The following MALT1 variants were observed in gnomAD, a reference collection of about 807,000 sequenced individuals.
MALT1 encodes the protein MALT1 paracaspase, also known as mucosa-associated lymphoid tissue lymphoma translocation protein 1.
A neutral mutation model predicts 85.5 loss-of-function variants in MALT1; 36 were observed. The ratio of observed to expected loss-of-function variants is 0.42; its 90% CI spans 0.32 to 0.56. The LOEUF (loss-of-function observed/expected upper bound fraction) is 0.56, where lower values mean the gene tolerates loss of function less well. MALT1 is among the 20% of genes least tolerant of loss of function. The probability of loss-of-function intolerance (pLI) is 0.10; values close to 1 mark genes in which losing one functional copy is unlikely to be tolerated. For missense variants in MALT1, 716 were observed against 981.6 expected (o/e 0.73, Z 3.62); for synonymous variants, 359 against 361.3 (o/e 0.99, Z 0.07).
At chr18:58,676,248 G>A (rs1336858579) in intron 1 of MALT1, among the ~76,000 whole-genome samples, 2 of 152,078 alleles carry the variant, frequency 1.3e-5, no homozygotes, top group Non-Finnish European at 1.5e-5. Context: ...CTCCTATTGT[G>A]GCCAGGCGTG....
At chr18:58,684,863 G>C (rs977556892) in intron 2 of MALT1, among the ~76,000 whole-genome samples, 6 of 152,268 alleles carry the variant, frequency 3.9e-5, no homozygotes, top group Non-Finnish European at 7.4e-5. Flanking sequence ...AAGAAGATAA[G>C]CTCTGATAGA....
chr18:58,710,930 A>C lies in MALT1; in HGVS notation c.935A>C (p.Asp312Ala), dbSNP rs2054822959. ...KKVEIIIGRT[D>A]EAVECTEDEL... ...TTTTTTCTGAAACAAGGAAGAACAG[A>C]TGAGGCAGTGGAGTGCACTGAAGGT... The change falls in exon 7 of 17, where the codon GAT (aspartate) becomes GCT (alanine). Residue 312 changes from aspartate to alanine, a missense_variant. Around this residue, in one of 4 missense-constraint regions of MALT1, gnomAD observed 290 missense variants for 380.5 expected, o/e 0.76. Transcript: ENST00000649217. 6.3e-7 allele frequency: 1 copy of C among 1,582,960 alleles called. No homozygotes were observed. The highest frequency in any genetic ancestry group is 1.4e-5 in the African/African-American group (1 of 72,932).
chr18:58,735,494 C>A (rs1177097916), intron 13 of MALT1, among the ~76,000 whole-genome samples, 165 bp downstream of exon 13: 1 of 152,142 alleles, frequency 6.6e-6, no homozygotes, highest in Non-Finnish European at 1.5e-5. Context: ...TTCAGCAACA[C>A]TTCTGCTATT....
intron 2 of MALT1, among the ~76,000 whole-genome samples, chr18:58,683,253 T>C (rs1159746803): frequency 6.6e-6 from 1 of 152,206 alleles, no homozygotes; most frequent in Non-Finnish European, 1.5e-5. Context: ...CTTTATTGAA[T>C]ACCAGGGCCT....
intron 1 of MALT1, among the ~76,000 whole-genome samples, chr18:58,673,649 G>T (rs1437561333): frequency 6.6e-6 from 1 of 152,104 alleles, no homozygotes; most frequent in African/African-American, 2.4e-5. Context: ...TAAAGACGGG[G>T]TTTTGCTGTG....
chr18:58,686,980 C>T (rs149942941), intron 2 of MALT1, among the ~76,000 whole-genome samples: 1 of 152,178 alleles, frequency 6.6e-6, no homozygotes, highest in African/African-American at 2.4e-5. Context: ...TCTGCTGACC[C>T]TGACCTGAAC....
chr18:58,672,003 G>A, intron 1 of MALT1, 151 bp downstream of exon 1: 1 of 449,174 alleles, frequency 2.2e-6, no homozygotes, highest in Non-Finnish European at 3.5e-6. Context: ...TTGAGGCGGA[G>A]CGGAACTCAG....
In MALT1 at chr18:58,751,033, C is replaced by T. The variant is rs1409857533; in HGVS notation, c.*3191C>T. 2 of 152,214 alleles carry T rather than the reference C, an allele frequency of 1.3e-5. No homozygotes were observed. The highest frequency in any genetic ancestry group is 2.9e-5 in the Non-Finnish European group (2 of 68,044). 9.4% of individuals were successfully genotyped at this position (152,214 alleles called of 1,614,324 possible). On this transcript the variant is annotated 3_prime_UTR_variant, in exon 17 of 17. Coordinates refer to ENST00000649217, the MANE Select transcript of MALT1 (RefSeq NM_006785.4). ...TGTGGTTACCACCGAGCAGCACTGT[C>T]CAGTGAACTTGCTGTGATGATGGGA...
rs1032767909 is a variant in MALT1 at position 58,748,666 on chromosome 18, A to G, written c.*824A>G. 5 of 192,322 alleles carry G rather than the reference A, an allele frequency of 2.6e-5. No individual in the cohort carries two copies. The allele number at this position is 192,322 out of a possible 1,614,324, so 11.9% of individuals were successfully genotyped here. A position where few individuals can be genotyped will look rare whatever the true frequency, so the allele number is the denominator to read the frequency against. ...CAAATATTTAGCATCTTCCTTGATAATATGTATTTTCTTCTTGAATTTCAC... is the reference window on the plus strand; with the variant it reads ...CAAATATTTAGCATCTTCCTTGATAGTATGTATTTTCTTCTTGAATTTCAC... On this transcript the variant is annotated 3_prime_UTR_variant, in exon 17 of 17. Transcript: ENST00000649217.
chr18:58,688,327 C>T (rs1045766431), intron 2 of MALT1, among the ~76,000 whole-genome samples: 5 of 85,482 alleles, frequency 5.8e-5, no homozygotes, highest in African/African-American at 1.1e-4. Context: ...CACACACACA[C>T]GCTTATTAAT....
chr18:58,752,449 G>A lies in MALT1; in HGVS notation c.*4607G>A, dbSNP rs2055458893. 1 of 152,010 alleles carries A rather than the reference G, an allele frequency of 6.6e-6. No individual in the cohort carries two copies. Among genetic ancestry groups the A allele is most frequent in the African/African-American group, 2.4e-5 (1 of 41,382 alleles). 9.4% of individuals were successfully genotyped at this position (152,010 alleles called of 1,614,324 possible). The stretch of plus-strand genomic sequence containing the variant: ...ACATTACTTTTGTGCATTTCATCCT[G>A]TTTCTCAGTTTGACATTGTCATTCA... On this transcript the variant is annotated 3_prime_UTR_variant, in exon 17 of 17. Coordinates refer to ENST00000649217, the MANE Select transcript of MALT1 (RefSeq NM_006785.4).
intron 9 of MALT1, among the ~76,000 whole-genome samples, chr18:58,721,214 T>C (rs927452444): frequency 6.6e-6 from 1 of 152,138 alleles, no homozygotes; most frequent in Non-Finnish European, 1.5e-5. Context: ...ACCCCATCTC[T>C]ACTAAAAATA....
At chr18:58,689,791 G>A (rs117628748) in intron 2 of MALT1, among the ~76,000 whole-genome samples, 2,517 of 152,312 alleles carry the variant, frequency 0.017, 34 homozygotes, top group South Asian at 0.027. Context: ...TAGAATAGTG[G>A]AAGCCAGTGG....
chr18:58,674,131 T>A (rs958239658), intron 1 of MALT1: 1 of 152,086 alleles, frequency 6.6e-6, no homozygotes, highest in African/African-American at 2.4e-5. Context: ...TACATGGCCA[T>A]GAAGGAGAGA....
At chr18:58,711,014 T>C in intron 7 of MALT1, 61 bp downstream of exon 7, 1 of 1,276,884 alleles carries the variant, frequency 7.8e-7, no homozygotes, top group Non-Finnish European at 1.1e-6. Context: ...TTGGGATTGG[T>C]GGAGTGCTTT....
At chr18:58,685,251 C>G (rs1377869951) in intron 2 of MALT1, among the ~76,000 whole-genome samples, 1 of 152,180 alleles carries the variant, frequency 6.6e-6, no homozygotes, top group Non-Finnish European at 1.5e-5. Context: ...TCTGTCCTTA[C>G]AGAGAGAAGC....
intron 5 of MALT1, 67 bp downstream of exon 5, chr18:58,709,623 T>C (rs990642219): frequency 7.8e-7 from 1 of 1,286,160 alleles, no homozygotes; most frequent in African/African-American, 1.5e-5. Flanking sequence ...AATTGAAATA[T>C]AAGGTGAACA....
chr18:58,742,023 A>C lies in MALT1; in HGVS notation c.1753+9A>C. 1 of 1,480,070 alleles carries C rather than the reference A, an allele frequency of 6.8e-7. No homozygotes were observed. Among genetic ancestry groups the C allele is most frequent in the Non-Finnish European group, 9.1e-7 (1 of 1,093,900 alleles). The allele number at this position is 1,480,070 out of a possible 1,614,324, so 91.7% of individuals were successfully genotyped here. The stretch of plus-strand genomic sequence containing the variant: ...GTGGGCCAAGGCTCATGGTACGGTA[A>C]AGCCCATTTTTTGTTAGATCTACAA... On this transcript the variant is annotated intron_variant, in intron 14 of 16. Coordinates refer to ENST00000649217, the MANE Select transcript of MALT1 (RefSeq NM_006785.4).
intron 10 of MALT1, among the ~76,000 whole-genome samples, chr18:58,730,972 A>G (rs2055140607): frequency 6.6e-6 from 1 of 151,066 alleles, no homozygotes; most frequent in African/African-American, 2.4e-5. Context: ...TTTTTTTGAG[A>G]TGGAGTCTTG....
Sources: allele counts gnomAD v4.1 joint callset (sites outside exome capture counted in the v4.1 genomes callset), GRCh38; gene constraint gnomAD v4.1.1; regional missense constraint gnomAD v4.1.1; transcripts MANE v1.5; gene names NCBI Gene and HGNC (gene_info 2026-07-23, HGNC 2026-07-21).